ITGA9: variants seen among roughly 807,000 people sequenced by gnomAD.
ITGA9 encodes the protein integrin subunit alpha 9.
ITGA9 carries 56 observed loss-of-function variants against 127.8 expected under a neutral mutation model. The ratio of observed to expected loss-of-function variants is 0.44; its 90% CI spans 0.35 to 0.55. The LOEUF (loss-of-function observed/expected upper bound fraction) is 0.55, where lower values mean the gene tolerates loss of function less well. Among genes scored for constraint, ITGA9 ranks in the 20% least tolerant of loss-of-function variants. The pLI is 0.00. For synonymous variants in ITGA9, 508 were observed against 514.5 expected, an observed-to-expected ratio of 0.99 and a Z score of 0.17; for missense variants, 1,196 against 1,347.1, an observed-to-expected ratio of 0.89 and a Z score of 1.76.
chr3:37,780,147 C>T lies in ITGA9; in HGVS notation c.2787+126C>T. The stretch of plus-strand genomic sequence containing the variant: ...TGGTGTCCTCATGACAATCTGGCTG[C>T]CCCCCCTTTTGGCTGTCTACAAGAG... On this transcript the variant is annotated intron_variant, in intron 25 of 27. Coordinates refer to ENST00000264741, the MANE Select transcript of ITGA9 (RefSeq NM_002207.3). 4 of 1,183,334 alleles carry T rather than the reference C, an allele frequency of 3.4e-6. No individual in the cohort carries two copies. In the South Asian group the frequency reaches 4.9e-5, roughly 15 times the overall value. The allele number at this position is 1,183,334 out of a possible 1,614,324, so 73.3% of individuals were successfully genotyped here.
At chr3:37,686,829 C>G (rs904916414) in intron 18 of ITGA9, among the ~76,000 whole-genome samples, 1 of 152,140 alleles carries the variant, frequency 6.6e-6, no homozygotes, top group Non-Finnish European at 1.5e-5. Flanking sequence ...AGAAACTACC[C>G]TTCCAGGACT....
chr3:37,480,744 G>A (rs1011000051), intron 3 of ITGA9, among the ~76,000 whole-genome samples: 6 of 152,190 alleles, frequency 3.9e-5, no homozygotes, highest in Middle Eastern at 3.4e-3. Context: ...TCTCCACATC[G>A]GTTCAGTCCC....
intron 15 of ITGA9, among the ~76,000 whole-genome samples, chr3:37,577,932 A>G (rs1245161253): frequency 1.3e-5 from 2 of 152,138 alleles, no homozygotes; most frequent in African/African-American, 4.8e-5. Flanking sequence ...TGTCATCTTT[A>G]TGTTGTATTG....
At chr3:37,495,325 T>G (rs1335177249) in intron 5 of ITGA9, among the ~76,000 whole-genome samples, 1 of 152,210 alleles carries the variant, frequency 6.6e-6, no homozygotes, top group Non-Finnish European at 1.5e-5. Context: ...ACCTGCATGC[T>G]TATGTGCCCG....
chr3:37,779,722 G>T (rs1455704645), intron 24 of ITGA9, among the ~76,000 whole-genome samples, 180 bp from the exon 25 acceptor site: 2 of 152,148 alleles, frequency 1.3e-5, no homozygotes, highest in Admixed American at 6.5e-5. Flanking sequence ...GTTCCCACTG[G>T]GTGGGAAATC....
At chr3:37,461,458 G>A (rs373029393) in intron 1 of ITGA9, among the ~76,000 whole-genome samples, 1 of 151,566 alleles carries the variant, frequency 6.6e-6, no homozygotes, top group African/African-American at 2.4e-5. Flanking sequence ...AAAGCCCAGA[G>A]CACAACACGG....
chr3:37,772,908 G>T (rs751188160), intron 23 of ITGA9, among the ~76,000 whole-genome samples: 1 of 152,096 alleles, frequency 6.6e-6, no homozygotes, highest in Non-Finnish European at 1.5e-5. Context: ...TCACGCCATC[G>T]CCATTACCCT....
chr3:37,670,718 A>G (rs956080286), intron 17 of ITGA9, among the ~76,000 whole-genome samples: 1 of 152,190 alleles, frequency 6.6e-6, no homozygotes, highest in Non-Finnish European at 1.5e-5. Flanking sequence ...TTTTTAAAGC[A>G]TATTGCTAAA....
intron 15 of ITGA9, among the ~76,000 whole-genome samples, chr3:37,591,456 C>T (rs1327483298): frequency 1.9e-4 from 29 of 152,248 alleles, no homozygotes; most frequent in Non-Finnish European, 1.2e-4. Flanking sequence ...ATATTCAAGT[C>T]GCCTCTGTGG....
At chr3:37,760,344 C>T (rs1351151051) in intron 23 of ITGA9, among the ~76,000 whole-genome samples, 2 of 150,530 alleles carry the variant, frequency 1.3e-5, no homozygotes, top group Non-Finnish European at 2.9e-5. Context: ...TGAGCTGACA[C>T]AGAATCAGTG....
At chr3:37,757,967 C>T (rs1046721448) in intron 23 of ITGA9, among the ~76,000 whole-genome samples, 2 of 151,636 alleles carry the variant, frequency 1.3e-5, no homozygotes, top group Non-Finnish European at 2.9e-5. Flanking sequence ...GGCACACTCA[C>T]GCAAAAATAG....
intron 17 of ITGA9, among the ~76,000 whole-genome samples, chr3:37,661,306 A>T (rs1463668056): frequency 1.3e-5 from 2 of 152,186 alleles, no homozygotes; most frequent in African/African-American, 2.4e-5. Context: ...ATGCCTTTGG[A>T]CCGAAGCTCT....
chr3:37,508,500 A>T, intron 7 of ITGA9, 59 bp from the exon 8 acceptor site: 5 of 1,426,246 alleles, frequency 3.5e-6, no homozygotes, highest in Non-Finnish European at 4.9e-6. Context: ...GAGAGTGCTG[A>T]TAAATATCTT....
At chr3:37,595,574 C>T (rs1699861629) in intron 15 of ITGA9, among the ~76,000 whole-genome samples, 1 of 152,224 alleles carries the variant, frequency 6.6e-6, no homozygotes, top group African/African-American at 2.4e-5. Flanking sequence ...AGAGGTGGCA[C>T]TGGGAATGCT....
intron 18 of ITGA9, 87 bp downstream of exon 18, chr3:37,684,102 C>A: frequency 9.2e-7 from 1 of 1,087,588 alleles, no homozygotes; most frequent in Non-Finnish European, 1.4e-6. Context: ...GGCAATGATT[C>A]TACAAGCACT....
In ITGA9 at chr3:37,572,082, A is replaced by G. The variant is rs561188931; in HGVS notation, c.1689+29497A>G. Among the ~76,000 whole-genome samples the G allele has an allele frequency of 1.4e-3, 220 of 152,106 alleles. 4 individuals are homozygous for G. Among genetic ancestry groups the G allele is most frequent in the African/African-American group, 5.2e-3 (214 of 41,496 alleles). On this transcript the variant is annotated intron_variant, in intron 15 of 27. Coordinates refer to ENST00000264741, the MANE Select transcript of ITGA9 (RefSeq NM_002207.3). ...GAATCCAAACCATGTGACATGGACC[A>G]TTATCATTCAGCTGCCACCTCCTGG... is the stretch of plus-strand genomic sequence containing the variant.
chr3:37,689,527 T>C (rs2125666389), intron 18 of ITGA9, among the ~76,000 whole-genome samples: 1 of 152,276 alleles, frequency 6.6e-6, no homozygotes, highest in Admixed American at 6.5e-5. Flanking sequence ...CAGCAAAGCC[T>C]CACTACAGAG....
chr3:37,659,586 G>C (rs977865346), intron 17 of ITGA9, among the ~76,000 whole-genome samples: 1 of 151,880 alleles, frequency 6.6e-6, no homozygotes, highest in African/African-American at 2.4e-5. Context: ...TCTGTAGCCT[G>C]TTTTCAAGGT....
At chr3:37,719,581 A>G (rs1559577860) in intron 18 of ITGA9, among the ~76,000 whole-genome samples, 3 of 152,178 alleles carry the variant, frequency 2.0e-5, no homozygotes, top group Middle Eastern at 6.8e-3. Context: ...GCCGCCTATG[A>G]CAGTTCGCCA....
Sources: gnomAD v4.1 joint callset for allele counts (sites outside exome capture counted in the v4.1 genomes callset) on GRCh38, gnomAD v4.1.1 for gene constraint, MANE v1.5 for transcripts, NCBI Gene and HGNC (gene_info 2026-07-23, HGNC 2026-07-21) for gene names.